HGD: variants seen among roughly 807,000 people sequenced by gnomAD.
HGD encodes the protein homogentisate oxidase.
Under a neutral mutation model 60.8 loss-of-function variants are expected in HGD, and 61 were observed. The observed-to-expected ratio is 1.00, with a 90% confidence interval of 0.82 to 1.24. HGD has a LOEUF of 1.24. HGD is among the 50% of genes most tolerant of loss of function. The pLI is 0.00. For synonymous variants in HGD, 212 were observed against 187.7 expected (o/e 1.13, Z -1.06); for missense variants, 542 against 547.1 (o/e 0.99, Z 0.09).
At chr3:120,658,650 C>T (rs921131147) in intron 4 of HGD, among the ~76,000 whole-genome samples, 2 of 152,262 alleles carry the variant, frequency 1.3e-5, no homozygotes, top group East Asian at 3.8e-4. Context: ...CCAGCGGGGA[C>T]TCTGTGTGGG....
At chr3:120,664,926 A>G (rs905158266) in intron 4 of HGD, among the ~76,000 whole-genome samples, 2 of 152,224 alleles carry the variant, frequency 1.3e-5, no homozygotes, top group South Asian at 2.1e-4. Context: ...TTAGAGAGTG[A>G]TGCACTATTG....
chr3:120,669,732 C>T (rs1190103105), intron 4 of HGD, among the ~76,000 whole-genome samples: 1 of 152,134 alleles, frequency 6.6e-6, no homozygotes, highest in Non-Finnish European at 1.5e-5. Context: ...GTCCATAAAT[C>T]GTCTTCTACT....
At position 120,628,183 on chromosome 3, in the gene HGD, C is replaced by A; in HGVS notation, c.*197G>T. 1 of 618,708 alleles carries A rather than the reference C, an allele frequency of 1.6e-6. No individual in the cohort carries two copies. The highest frequency in any genetic ancestry group is 2.9e-6 in the Non-Finnish European group (1 of 350,326). 38.3% of individuals were successfully genotyped at this position (618,708 alleles called of 1,614,324 possible). A position where few individuals can be genotyped will look rare whatever the true frequency, so the allele number is the denominator to read the frequency against. On this transcript the variant is annotated 3_prime_UTR_variant, in exon 14 of 14. Transcript: ENST00000283871. The stretch of plus-strand genomic sequence containing the variant: ...GACCAATCACTACGTCCACAGAACA[C>A]CAGCAAGTTTATTGAGTAATTAAGG...
intron 4 of HGD, among the ~76,000 whole-genome samples, chr3:120,666,203 C>T (rs546245166): frequency 2.0e-5 from 3 of 152,078 alleles, no homozygotes; most frequent in African/African-American, 4.8e-5. Flanking sequence ...GACACTGAGA[C>T]GCTATTGAAT....
At chr3:120,648,949 T>C (rs1050450048) in intron 6 of HGD, among the ~76,000 whole-genome samples, 5 of 152,068 alleles carry the variant, frequency 3.3e-5, no homozygotes, top group Non-Finnish European at 7.4e-5. Flanking sequence ...AGAGCTAAGG[T>C]ATCAGCAGGG....
chr3:120,663,941 ATT>A (rs3841757), intron 4 of HGD, among the ~76,000 whole-genome samples: 6 of 151,506 alleles, frequency 4.0e-5, no homozygotes, highest in Non-Finnish European at 2.9e-5. Flanking sequence ...TATGTAACTG[ATT>A]TTTTTTTTAA....
chr3:120,631,050 G>A (rs1369169033), intron 13 of HGD, among the ~76,000 whole-genome samples: 1 of 151,788 alleles, frequency 6.6e-6, no homozygotes, highest in Non-Finnish European at 1.5e-5. Context: ...GACACAAAGA[G>A]GGGAGCAACA....
At chr3:120,646,656 T>TA (rs201866348) in intron 8 of HGD, among the ~76,000 whole-genome samples, 12,592 of 141,162 alleles carry the variant, frequency 0.089, 688 homozygotes, top group Middle Eastern at 0.17. Context: ...TTAGCCACAC[T>TA]AAAAAAAAAA....
At position 120,628,601 on chromosome 3, in the gene HGD, A is replaced by G. The variant is rs191894602; in HGVS notation, c.1189-72T>C. 14 of 1,523,206 alleles carry G rather than the reference A, an allele frequency of 9.2e-6. No individual in the cohort carries two copies. The East Asian group carries it at 3.1e-4, about 34-fold the overall frequency. 94.4% of individuals were successfully genotyped at this position (1,523,206 alleles called of 1,614,324 possible). A position where few individuals can be genotyped will look rare whatever the true frequency, so the allele number is the denominator to read the frequency against. ...AATAAACACATTTGATTAGATGTCA[A>G]CAGAAGGTATGGGTAGGTGAAATCT... On this transcript the variant is annotated intron_variant, in intron 13 of 13. Transcript: ENST00000283871.
At chr3:120,674,560 C>T (rs1410904690) in intron 3 of HGD, 5 of 295,128 alleles carry the variant, frequency 1.7e-5, no homozygotes, top group Non-Finnish European at 3.3e-5. Context: ...TAAAACAAAA[C>T]AAAACAGGTA....
intron 4 of HGD, among the ~76,000 whole-genome samples, chr3:120,663,791 T>C (rs952121916): frequency 1.3e-5 from 2 of 150,100 alleles, no homozygotes; most frequent in African/African-American, 4.9e-5. Context: ...TTTATAAACA[T>C]TTATTGGATT....
intron 1 of HGD, among the ~76,000 whole-genome samples, chr3:120,676,158 G>C (rs1488721999): frequency 6.6e-6 from 1 of 152,080 alleles, no homozygotes; most frequent in Non-Finnish European, 1.5e-5. Context: ...CCCTGAACTT[G>C]AGACTCCATT....
chr3:120,672,268 C>G (rs997968136), intron 3 of HGD, among the ~76,000 whole-genome samples: 3 of 152,112 alleles, frequency 2.0e-5, no homozygotes, highest in Non-Finnish European at 4.4e-5. Context: ...AGTGTGTCCT[C>G]TCTACCAGGA....
chr3:120,633,364 A>G (rs55998348), intron 12 of HGD, 36 bp from the exon 13 acceptor site: 9 of 1,614,016 alleles, frequency 5.6e-6, no homozygotes, highest in Non-Finnish European at 7.6e-6. Context: ...TTTATTATCC[A>G]AGGCAAGACC....
intron 4 of HGD, among the ~76,000 whole-genome samples, chr3:120,663,295 TG>T (rs1707821005): frequency 6.6e-6 from 1 of 151,998 alleles, no homozygotes; most frequent in African/African-American, 2.4e-5. Flanking sequence ...AGGTGAGAGT[TG>T]TGTTAGTCCA....
In HGD at chr3:120,675,842, C is replaced by T. The variant is rs1458752246; in HGVS notation, c.37G>A (p.Glu13Lys). 6.8e-6 allele frequency: 11 copies of T among 1,613,468 alleles called. No homozygotes were observed. Among genetic ancestry groups the T allele is most frequent in the Admixed American group, 1.7e-5 (1 of 59,984 alleles). The change falls in exon 2 of 14, where the codon GAG (glutamate) becomes AAG (lysine). Residue 13 changes from glutamate (E) to lysine (K), a missense_variant. Glu to Lys is a moderately conservative substitution (Grantham distance 56). Transcript: ENST00000283871. ...CAGCGAGGATCCTCTGAAGAACACT[C>T]ATTCCCAAATCCAGAAATGTACTGT... ...ELKYISGFGN[E>K]CSSEDPRCPG...
chr3:120,644,707 T>C, intron 9 of HGD: 1 of 1,042,156 alleles, frequency 9.6e-7, no homozygotes, highest in Non-Finnish European at 1.4e-6. Flanking sequence ...ATATGCATTA[T>C]CTTATCACTA....
At chr3:120,670,637 G>A (rs1708006429) in intron 3 of HGD, 105 bp from the exon 4 acceptor site, 5 of 767,580 alleles carry the variant, frequency 6.5e-6, no homozygotes, top group South Asian at 4.1e-5. Flanking sequence ...AGTCAACAAC[G>A]ACCTGTAGGC....
chr3:120,647,152 A>G lies in HGD; in HGVS notation c.470-100T>C, dbSNP rs545411399. On this transcript the variant is annotated intron_variant, in intron 7 of 13. Transcript: ENST00000283871. ...AGGCTGCATTTGCTTTTCCATTCCA[A>G]ATGCAAAGAGCTTTATTGAGTCTCT... 46 of 876,636 alleles carry G rather than the reference A, an allele frequency of 5.2e-5. No individual in the cohort carries two copies. In the East Asian group the frequency reaches 8.3e-4, roughly 16 times the overall value. The allele number at this position is 876,636 out of a possible 1,614,324, so 54.3% of individuals were successfully genotyped here. A position where few individuals can be genotyped will look rare whatever the true frequency, so the allele number is the denominator to read the frequency against.
Sources: allele counts gnomAD v4.1 joint callset (sites outside exome capture counted in the v4.1 genomes callset), GRCh38; gene constraint gnomAD v4.1.1; transcripts MANE v1.5; gene names NCBI Gene and HGNC (gene_info 2026-07-23, HGNC 2026-07-21).